SLC15A1: variants seen among roughly 807,000 people sequenced by gnomAD.
SLC15A1 encodes Caco-2 oligopeptide transporter.
Under a neutral mutation model 92.9 loss-of-function variants are expected in SLC15A1, and 83 were observed. The ratio of observed to expected loss-of-function variants is 0.89; its 90% confidence interval spans 0.75 to 1.07. The LOEUF (loss-of-function observed/expected upper bound fraction) is 1.07, where lower values mean the gene tolerates loss of function less well. SLC15A1 is among the 50% of genes least tolerant of loss of function. The pLI is 0.00. For missense variants in SLC15A1, 857 were observed against 880.1 expected (o/e 0.97, Z 0.33); for synonymous variants, 322 against 318.2 (o/e 1.01, Z -0.13).
chr13:98,725,919 C>G (rs1362775051), intron 4 of SLC15A1, among the ~76,000 whole-genome samples: 1 of 152,034 alleles, frequency 6.6e-6, no homozygotes, highest in Non-Finnish European at 1.5e-5. Flanking sequence ...AGAGATGGGT[C>G]TCACTATGTT....
At chr13:98,699,576 C>T (rs1296032019) in intron 18 of SLC15A1, among the ~76,000 whole-genome samples, 1 of 152,190 alleles carries the variant, frequency 6.6e-6, no homozygotes, top group African/African-American at 2.4e-5. Context: ...CTTCTATAAA[C>T]ATTCATGTGT....
Position 98,714,642 on chromosome 13 carries a change from A to T in SLC15A1, c.723+1236T>A, listed in dbSNP as rs12866940. Among the ~76,000 whole-genome samples, 285 of 127,566 alleles carry T rather than the reference A, an allele frequency of 2.2e-3. 3 individuals carry two copies. The highest frequency in any genetic ancestry group is 8.1e-3 in the African/African-American group (271 of 33,428). The allele number at this position is 127,566 out of a possible 152,430, so 83.7% of individuals were successfully genotyped here. A position where few individuals can be genotyped will look rare whatever the true frequency, so the allele number is the denominator to read the frequency against. On this transcript the variant is annotated intron_variant, in intron 9 of 22. Transcript: ENST00000376503. Reference sequence around the variant, plus strand: ...GCCCTCCAGCCTGGGCGACAGAGCAAGACTCCATCTCAAAAAAAAAAAAAA... The same window carrying T: ...GCCCTCCAGCCTGGGCGACAGAGCATGACTCCATCTCAAAAAAAAAAAAAA...
rs1289389 is a variant in SLC15A1, at chr13:98,684,036, C to T, written c.*688G>A. ...CTCCTGCCTCCTTTAGAATAGTTTT[C>T]GTAAGAGTATTAGAAATGAACAGTA... On this transcript the variant is annotated 3_prime_UTR_variant, in exon 23 of 23. Transcript: ENST00000376503. 28,326 of 152,044 alleles carry T rather than the reference C, an allele frequency of 0.19. 2,918 individuals are homozygous for T. The highest frequency in any genetic ancestry group is 0.24 in the East Asian group (1,225 of 5,168). 9.4% of individuals were successfully genotyped at this position (152,044 alleles called of 1,614,324 possible). A position where few individuals can be genotyped will look rare whatever the true frequency, so the allele number is the denominator to read the frequency against.
intron 18 of SLC15A1, among the ~76,000 whole-genome samples, chr13:98,702,033 G>A (rs1423531408): frequency 6.6e-6 from 1 of 152,006 alleles, no homozygotes; most frequent in African/African-American, 2.4e-5. Flanking sequence ...TCTTTTTCTT[G>A]TGTCTTTGCT....
In SLC15A1 at chr13:98,751,093, C is replaced by A. The variant is rs1451704412; in HGVS notation, c.4+1502G>T. Reference sequence around the variant, plus strand: ...AAGAGAAGTTACTACTACTTTTTTTCCCCATAACAACCATTAAACAATTTT... The same window carrying A: ...AAGAGAAGTTACTACTACTTTTTTTACCCATAACAACCATTAAACAATTTT... On this transcript the variant is annotated intron_variant, in intron 1 of 22. Coordinates refer to ENST00000376503, the MANE Select transcript of SLC15A1 (RefSeq NM_005073.4). 4.0e-5 allele frequency among the ~76,000 whole-genome samples: 6 copies of A among 150,942 alleles called. 1 individual carries two copies. The highest frequency in any genetic ancestry group is 8.9e-5 in the Non-Finnish European group (6 of 67,390).
intron 1 of SLC15A1, among the ~76,000 whole-genome samples, chr13:98,740,895 G>A (rs1263164930): frequency 6.6e-6 from 1 of 152,108 alleles, no homozygotes; most frequent in Non-Finnish European, 1.5e-5. Context: ...TCCTTAAATG[G>A]GCTCTTCTAG....
intron 4 of SLC15A1, 101 bp downstream of exon 4, chr13:98,726,022 C>T (rs1289334539): frequency 1.4e-6 from 2 of 1,443,716 alleles, no homozygotes; most frequent in East Asian, 4.8e-5. Context: ...CTAAGAGTTT[C>T]TGTTCTTTGA....
rs375586348 is a variant in SLC15A1, at chr13:98,712,461, G to C, written c.810+37C>G. 3.0e-5 allele frequency: 44 copies of C among 1,476,638 alleles called. No homozygotes were observed. In the African/African-American group the frequency reaches 5.3e-4, roughly 18 times the overall value. The allele number at this position is 1,476,638 out of a possible 1,614,324, so 91.5% of individuals were successfully genotyped here. A position where few individuals can be genotyped will look rare whatever the true frequency, so the allele number is the denominator to read the frequency against. On this transcript the variant is annotated intron_variant, in intron 10 of 22. Transcript: ENST00000376503. ...AGATTTTTCAGTGTTCACTTCCTGG[G>C]GGAATCAGGGTCATTGTAGCAATGA...
intron 21 of SLC15A1, 120 bp from the exon 22 acceptor site, chr13:98,686,417 G>A: frequency 1.5e-6 from 1 of 687,972 alleles, no homozygotes; most frequent in South Asian, 1.6e-5. Context: ...GAAAAGTCAG[G>A]TGGCCTCAAT....
At chr13:98,744,402 T>C (rs1262550790) in intron 1 of SLC15A1, among the ~76,000 whole-genome samples, 1 of 151,444 alleles carries the variant, frequency 6.6e-6, no homozygotes, top group Non-Finnish European at 1.5e-5. Context: ...CATGGTTAAG[T>C]ATGACGTTAG....
chr13:98,699,885 G>A (rs2139570781), intron 18 of SLC15A1, among the ~76,000 whole-genome samples: 1 of 152,206 alleles, frequency 6.6e-6, no homozygotes, highest in African/African-American at 2.4e-5. Context: ...TTGTTCATGT[G>A]CTTATTTGTC....
intron 8 of SLC15A1, 77 bp from the exon 9 acceptor site, chr13:98,716,037 T>C (rs2088209458): frequency 1.7e-6 from 2 of 1,192,944 alleles, no homozygotes; most frequent in East Asian, 2.3e-5. Flanking sequence ...GCGCCTTTAT[T>C]TGAATTATAA....
intron 15 of SLC15A1, among the ~76,000 whole-genome samples, chr13:98,707,891 TAAAAAAA>T (rs745924829): frequency 0.013 from 1,387 of 106,866 alleles, 44 homozygotes; most frequent in African/African-American, 0.052. Flanking sequence ...AGACCCTGTT[TAAAAAAA>T]AAAAAAAAAA....
Position 98,684,768 on chromosome 13 carries a change from T to G in SLC15A1, c.2083A>C (p.Asn695His). 6.2e-7 allele frequency: 1 copy of G among 1,614,100 alleles called. No individual in the cohort carries two copies. Among genetic ancestry groups the G allele is most frequent in the Non-Finnish European group, 8.5e-7 (1 of 1,180,024 alleles). The change falls in exon 23 of 23, where the codon AAC becomes CAC. Residue 695 changes from asparagine to histidine, a missense_variant. Physicochemically the swap from Asn to His is moderately conservative, Grantham distance 68. Coordinates refer to ENST00000376503, the MANE Select transcript of SLC15A1 (RefSeq NM_005073.4). The stretch of plus-strand genomic sequence containing the variant: ...TTGGCCCCTGACATGAAATATGGGT[T>G]ACTCTTTTCCAGTCTGTTTTTCTTT... Reference protein sequence around the residue: ...DEKKNRLEKSNPYFMSGANSQ... With the variant: ...DEKKNRLEKSHPYFMSGANSQ...
chr13:98,684,891 C>T lies in SLC15A1; in HGVS notation c.1960G>A (p.Ala654Thr), dbSNP rs367590676. The T allele has an allele frequency of 5.8e-5, 94 of 1,613,108 alleles. No individual in the cohort carries two copies. Among genetic ancestry groups the T allele is most frequent in the Middle Eastern group, 1.6e-4 (1 of 6,082 alleles). Residue 654 changes from alanine (A) to threonine (T), a missense_variant, in exon 23 of 23, where the codon GCG (alanine) becomes ACG (threonine). Ala to Thr is a moderately conservative substitution (Grantham distance 58). Transcript: ENST00000376503. ...KQWAEYILFAALLLVVCVIFA... is the reference protein window; with the variant it reads ...KQWAEYILFATLLLVVCVIFA... ...ATTACACAGACGACCAGAAGCAACG[C>T]GGCAAATAGAATGTACTCGGCCCAC...
intron 18 of SLC15A1, among the ~76,000 whole-genome samples, chr13:98,695,307 G>A (rs1218816258): frequency 6.6e-6 from 1 of 151,850 alleles, no homozygotes; most frequent in East Asian, 1.9e-4. Context: ...GGCTGGCTTC[G>A]AACTCCTGAG....
chr13:98,705,016 T>G (rs1199567731), intron 16 of SLC15A1, among the ~76,000 whole-genome samples: 2 of 151,868 alleles, frequency 1.3e-5, no homozygotes, highest in Non-Finnish European at 2.9e-5. Flanking sequence ...CTGGCCAACA[T>G]GGCAAAATCC....
At chr13:98,728,994 A>AC (rs1566455617) in intron 1 of SLC15A1, among the ~76,000 whole-genome samples, 2 of 147,066 alleles carry the variant, frequency 1.4e-5, no homozygotes, top group African/African-American at 2.5e-5. Flanking sequence ...AAAAAAAAAA[A>AC]AAAAAAAAAA....
In SLC15A1 at chr13:98,706,229, C is replaced by A. The variant is rs779273389; in HGVS notation, c.1174G>T (p.Gly392Ter). The A allele has an allele frequency of 6.2e-7, 1 of 1,613,052 alleles. No homozygotes were observed. The highest frequency in any genetic ancestry group is 1.1e-5 in the South Asian group (1 of 90,750). ...IDKTLPVFPK[G>*]NEVQIKVLNI... The stretch of plus-strand genomic sequence containing the variant: ...AAAACTTTAATTTGGACTTCGTTTC[C>A]TTTGGGGAAGACTGGAAGAGTTTTC... The change falls in exon 16 of 23, where the codon GGA becomes TGA. Residue 392 changes from glycine to a stop codon, truncating the protein, a stop_gained. Transcript: ENST00000376503. LOFTEE classifies it high-confidence loss of function.
Sources: gnomAD v4.1 joint callset for allele counts (sites outside exome capture counted in the v4.1 genomes callset) on GRCh38, gnomAD v4.1.1 for gene constraint, MANE v1.5 for transcripts, NCBI Gene and HGNC (gene_info 2026-07-23, HGNC 2026-07-21) for gene names.